The following NRG1 variants were observed in gnomAD, a reference collection of about 807,000 sequenced individuals.
The protein encoded by NRG1 is pro-neuregulin-1, membrane-bound isoform.
NRG1 carries 18 observed loss-of-function variants against 63.8 expected under a neutral mutation model. That is an observed-to-expected ratio of 0.28 (90% CI 0.19 to 0.42). The LOEUF (loss-of-function observed/expected upper bound fraction) is 0.42. Ranked by LOEUF, NRG1 falls within the 10% of genes least tolerant of loss-of-function variation. The pLI is 1.00. For synonymous variants in NRG1, 302 were observed against 301.3 expected (o/e 1.00, Z -0.02); for missense variants, 762 against 814.7 (o/e 0.94, Z 0.79).
intron 1 of NRG1, among the ~76,000 whole-genome samples, chr8:32,205,152 C>T (rs1292502956): frequency 1.6e-4 from 25 of 152,086 alleles, no homozygotes; most frequent in Admixed American, 1.3e-4. Context: ...AGGAAATACT[C>T]TAAAATGTTA....
chr8:32,483,656 CTTT>C (rs1426147913), intron 1 of NRG1, among the ~76,000 whole-genome samples: 10 of 152,298 alleles, frequency 6.6e-5, no homozygotes, highest in African/African-American at 2.4e-4. Context: ...GGTAAGTCTT[CTTT>C]GTGTTCCCCA....
At chr8:31,943,732 C>G (rs528926339) in intron 1 of NRG1, among the ~76,000 whole-genome samples, 1 of 152,096 alleles carries the variant, frequency 6.6e-6, no homozygotes, top group South Asian at 2.1e-4. Flanking sequence ...TAACTAGATT[C>G]CATGAAAATA....
At chr8:31,674,715 G>A (rs963487984) in intron 1 of NRG1, among the ~76,000 whole-genome samples, 2 of 152,048 alleles carry the variant, frequency 1.3e-5, no homozygotes, top group African/African-American at 4.8e-5. Context: ...CAAAGTTTTT[G>A]ACCTGAATTT....
chr8:31,830,022 C>G (rs1824952044), intron 1 of NRG1, among the ~76,000 whole-genome samples: 1 of 152,216 alleles, frequency 6.6e-6, no homozygotes, highest in Non-Finnish European at 1.5e-5. Flanking sequence ...CTAAACTTTT[C>G]TTTCTGGTGA....
intron 1 of NRG1, among the ~76,000 whole-genome samples, chr8:32,481,172 C>T (rs1167945798): frequency 6.6e-6 from 1 of 151,928 alleles, no homozygotes; most frequent in Non-Finnish European, 1.5e-5. Context: ...GATGAAATCT[C>T]ATCTCTAAAA....
chr8:32,479,144 T>C (rs1824898874), intron 1 of NRG1, among the ~76,000 whole-genome samples: 1 of 152,158 alleles, frequency 6.6e-6, no homozygotes, highest in Non-Finnish European at 1.5e-5. Flanking sequence ...AAAGAATTTG[T>C]CAGGGTCCCA....
At chr8:31,854,122 C>G (rs1431241363) in intron 1 of NRG1, among the ~76,000 whole-genome samples, 1 of 151,864 alleles carries the variant, frequency 6.6e-6, no homozygotes, top group African/African-American at 2.4e-5. Context: ...TGATGCTGGC[C>G]TCATAAAATG....
At chr8:32,561,948 T>C (rs1243793101) in intron 1 of NRG1, among the ~76,000 whole-genome samples, 1 of 152,116 alleles carries the variant, frequency 6.6e-6, no homozygotes, top group Non-Finnish European at 1.5e-5. Context: ...GGATTTGGCA[T>C]CCTAAAAGAA....
chr8:32,482,758 G>A (rs377634758), intron 1 of NRG1, among the ~76,000 whole-genome samples: 88 of 152,144 alleles, frequency 5.8e-4, no homozygotes, highest in African/African-American at 2.0e-3. Flanking sequence ...AGACTCTTTC[G>A]AGTGTTGAAT....
intron 5 of NRG1, among the ~76,000 whole-genome samples, chr8:32,703,581 T>G (rs1815550292): frequency 6.6e-6 from 1 of 152,096 alleles, no homozygotes; most frequent in African/African-American, 2.4e-5. Flanking sequence ...TGTAATTCAC[T>G]TTCTTCTGGT....
At chr8:32,674,725 T>C in intron 5 of NRG1, among the ~76,000 whole-genome samples, 1 of 152,180 alleles carries the variant, frequency 6.6e-6, no homozygotes. Context: ...TAATTTAATT[T>C]CTTAGAATTA....
intron 1 of NRG1, among the ~76,000 whole-genome samples, chr8:32,477,795 T>G (rs1299759867): frequency 6.6e-6 from 1 of 152,234 alleles, no homozygotes; most frequent in Non-Finnish European, 1.5e-5. Context: ...AATAGTAATA[T>G]CTGTTCTTTG....
At chr8:31,935,722 C>A (rs118079639) in intron 1 of NRG1, among the ~76,000 whole-genome samples, 2,186 of 152,300 alleles carry the variant, frequency 0.014, 38 homozygotes, top group South Asian at 0.085. Flanking sequence ...CTCTTCGAGG[C>A]CAGACAGCAG....
rs1037355961 is a variant in NRG1 at position 32,573,266 on chromosome 8, A to G, written c.101-22562A>G. On this transcript the variant is annotated intron_variant, in intron 1 of 11. Transcript: ENST00000356819. The stretch of plus-strand genomic sequence containing the variant: ...TGTTCCATGATGACTTATTGACTCG[A>G]TAACAGGGATCTGCAAACATTTCTG... 3.9e-5 allele frequency among the ~76,000 whole-genome samples: 6 copies of G among 152,348 alleles called. No individual in the cohort carries two copies. The East Asian group carries it at 1.2e-3, about 29-fold the overall frequency.
intron 1 of NRG1, among the ~76,000 whole-genome samples, chr8:32,472,061 G>A (rs948850736): frequency 2.0e-5 from 3 of 152,164 alleles, no homozygotes; most frequent in Non-Finnish European, 4.4e-5. Flanking sequence ...CTCATCAGGT[G>A]TCTCCACCAC....
chr8:31,801,626 C>T (rs1821796939), intron 1 of NRG1, among the ~76,000 whole-genome samples: 2 of 152,104 alleles, frequency 1.3e-5, no homozygotes, highest in African/African-American at 4.8e-5. Flanking sequence ...TTGTAGTCTC[C>T]AAACCAATCT....
At chr8:31,986,038 C>T (rs575866475) in intron 1 of NRG1, among the ~76,000 whole-genome samples, 4 of 152,212 alleles carry the variant, frequency 2.6e-5, no homozygotes, top group South Asian at 4.1e-4. Context: ...TGATCTCAGT[C>T]GAATCATTTG....
chr8:31,947,408 CTATGT>C (rs941382518), intron 1 of NRG1, among the ~76,000 whole-genome samples: 3 of 151,570 alleles, frequency 2.0e-5, no homozygotes, highest in Non-Finnish European at 4.4e-5. Context: ...CAGTCTTCAG[CTATGT>C]TGTTTTTGTT....
intron 7 of NRG1, among the ~76,000 whole-genome samples, chr8:32,747,732 G>GTATATATAAATATA (rs1827730464): frequency 7.6e-6 from 1 of 132,122 alleles, no homozygotes; most frequent in African/African-American, 3.0e-5. Flanking sequence ...ATGTGTGTGT[G>GTATATATAAATATA]TATATATATA....
Sources: gnomAD v4.1 joint callset for allele counts (sites outside exome capture counted in the v4.1 genomes callset) on GRCh38, gnomAD v4.1.1 for gene constraint, MANE v1.5 for transcripts, NCBI Gene and HGNC (gene_info 2026-07-23, HGNC 2026-07-21) for gene names.